Variants in CDK17 observed in about 807,000 individuals in gnomAD.
The protein encoded by CDK17 is cyclin dependent kinase 17, also known as cyclin-dependent kinase 17.
Under a neutral mutation model 77.6 loss-of-function variants are expected in CDK17, and 24 were observed. The ratio of observed to expected loss-of-function variants is 0.31; its 90% confidence interval spans 0.22 to 0.44. The LOEUF is 0.44. Among genes scored for constraint, CDK17 ranks in the 20% least tolerant of loss-of-function variants. CDK17 has a pLI of 1.00. For synonymous variants in CDK17, 203 were observed against 210.4 expected (o/e 0.96, Z 0.30); for missense variants, 429 against 622.5 (o/e 0.69, Z 3.31).
In CDK17 at chr12:96,372,770, C is replaced by A. The variant is rs139284800; in HGVS notation, c.-30+27216G>T. Among the ~76,000 whole-genome samples the A allele has an allele frequency of 5.3e-5, 8 of 151,946 alleles. No homozygotes were observed. In the East Asian group the frequency reaches 1.5e-3, roughly 29 times the overall value. Reference sequence around the variant, plus strand: ...AATAGAAAAAATAAAGAAATTAACACAAAGTGAAGAAAAAGAGGGTAAAAT... The same window carrying A: ...AATAGAAAAAATAAAGAAATTAACAAAAAGTGAAGAAAAAGAGGGTAAAAT... On this transcript the variant is annotated intron_variant, in intron 1 of 16. Coordinates refer to ENST00000261211, the MANE Select transcript of CDK17 (RefSeq NM_002595.5).
chr12:96,309,244 G>A (rs1450504654), intron 5 of CDK17, among the ~76,000 whole-genome samples: 1 of 152,160 alleles, frequency 6.6e-6, no homozygotes, highest in Non-Finnish European at 1.5e-5. Flanking sequence ...TTTAGTTTTA[G>A]TACATGAAGT....
At chr12:96,359,432 T>C (rs1283526588) in intron 1 of CDK17, among the ~76,000 whole-genome samples, 2 of 152,194 alleles carry the variant, frequency 1.3e-5, no homozygotes, top group Non-Finnish European at 2.9e-5. Flanking sequence ...TCTTCAAGGA[T>C]CTAGGCTGAA....
At chr12:96,352,112 C>A (rs1380116644) in intron 1 of CDK17, among the ~76,000 whole-genome samples, 6 of 152,110 alleles carry the variant, frequency 3.9e-5, no homozygotes, top group African/African-American at 1.4e-4. Flanking sequence ...ACAGACTTTT[C>A]AAGGGGAACA....
intron 1 of CDK17, among the ~76,000 whole-genome samples, chr12:96,395,961 G>A (rs1306690665): frequency 2.0e-5 from 3 of 152,154 alleles, no homozygotes; most frequent in Admixed American, 6.5e-5. Context: ...TCAATGTATG[G>A]TATTTTGTTA....
intron 3 of CDK17, among the ~76,000 whole-genome samples, chr12:96,317,116 G>C (rs1158362922): frequency 4.9e-5 from 7 of 144,290 alleles, no homozygotes; most frequent in African/African-American, 1.8e-4. Flanking sequence ...GCTTAAAGGA[G>C]CTGATGGAGC....
chr12:96,303,331 G>GA (rs1565810812), intron 5 of CDK17: 1 of 152,090 alleles, frequency 6.6e-6, no homozygotes, highest in Non-Finnish European at 1.5e-5. Context: ...AATAGCTAAA[G>GA]AAATAGCACA....
chr12:96,343,162 C>T (rs1953147307), intron 1 of CDK17, among the ~76,000 whole-genome samples: 1 of 152,162 alleles, frequency 6.6e-6, no homozygotes, highest in Non-Finnish European at 1.5e-5. Flanking sequence ...TGCTCTAGAG[C>T]TTGGTTCTTG....
In CDK17 at chr12:96,400,252, G is replaced by A. The variant is rs1399507764; in HGVS notation, c.-296C>T. On this transcript the variant is annotated 5_prime_UTR_variant, in exon 1 of 17. Transcript: ENST00000261211. Reference sequence around the variant, plus strand: ...CCCGCGCCGACGAGCCGCGCGGACGGCCCACTAATCCCCTCGGAGCAGCCG... The same window carrying A: ...CCCGCGCCGACGAGCCGCGCGGACGACCCACTAATCCCCTCGGAGCAGCCG... The A allele has an allele frequency of 5.1e-6, 2 of 393,612 alleles. No homozygotes were observed. Among genetic ancestry groups the A allele is most frequent in the African/African-American group, 4.1e-5 (2 of 48,350 alleles). 24.4% of individuals were successfully genotyped at this position (393,612 alleles called of 1,614,324 possible).
At chr12:96,283,721 A>G in intron 13 of CDK17, 76 bp from the exon 14 acceptor site, 1 of 967,336 alleles carries the variant, frequency 1.0e-6, no homozygotes, top group South Asian at 1.4e-5. Flanking sequence ...CTATTTTCTA[A>G]GTGTTTTAAT....
chr12:96,291,329 T>C (rs896383086), intron 10 of CDK17, among the ~76,000 whole-genome samples: 1 of 152,134 alleles, frequency 6.6e-6, no homozygotes, highest in Non-Finnish European at 1.5e-5. Flanking sequence ...TCTTGTTCTG[T>C]CAACCAGGCT....
At chr12:96,298,071 G>A (rs1268427572) in intron 7 of CDK17, among the ~76,000 whole-genome samples, 3 of 152,032 alleles carry the variant, frequency 2.0e-5, no homozygotes, top group Non-Finnish European at 2.9e-5. Flanking sequence ...CGGGCGGATC[G>A]TGAGGTCAGG....
rs1441713532 is a variant in CDK17 at position 96,278,535 on chromosome 12, T to C, written c.*1707A>G. On this transcript the variant is annotated 3_prime_UTR_variant, in exon 17 of 17. Coordinates refer to ENST00000261211, the MANE Select transcript of CDK17 (RefSeq NM_002595.5). ...AGCCTTCATCCCCAAGAAAGAACTG[T>C]GACTCAATAAAACCACATTTTAACA... 1 of 152,544 alleles carries C rather than the reference T, an allele frequency of 6.6e-6. No individual in the cohort carries two copies. The highest frequency in any genetic ancestry group is 1.5e-5 in the Non-Finnish European group (1 of 67,988). The allele number at this position is 152,544 out of a possible 1,614,324, so 9.4% of individuals were successfully genotyped here.
chr12:96,369,011 C>T (rs1953645710), intron 1 of CDK17, among the ~76,000 whole-genome samples: 1 of 152,084 alleles, frequency 6.6e-6, no homozygotes, highest in Non-Finnish European at 1.5e-5. Flanking sequence ...TGAAAAAGGG[C>T]TTCAGTCCCA....
At chr12:96,395,263 C>G (rs1954150077) in intron 1 of CDK17, among the ~76,000 whole-genome samples, 1 of 152,218 alleles carries the variant, frequency 6.6e-6, no homozygotes, top group African/African-American at 2.4e-5. Context: ...ATACTGCAAT[C>G]TTTTAATGTA....
At chr12:96,316,035 T>C (rs1952710447) in intron 3 of CDK17, among the ~76,000 whole-genome samples, 1 of 152,140 alleles carries the variant, frequency 6.6e-6, no homozygotes, top group Non-Finnish European at 1.5e-5. Context: ...TGCATTTCCA[T>C]CTGAGGTACC....
intron 5 of CDK17, among the ~76,000 whole-genome samples, chr12:96,305,251 C>G (rs1183807851): frequency 6.6e-6 from 1 of 152,180 alleles, no homozygotes; most frequent in Non-Finnish European, 1.5e-5. Context: ...GACATATGAT[C>G]ACTAAATGTA....
In CDK17 at chr12:96,400,248, G is replaced by A. The variant is rs891476484; in HGVS notation, c.-292C>T. On this transcript the variant is annotated 5_prime_UTR_variant, in exon 1 of 17. Coordinates refer to ENST00000261211, the MANE Select transcript of CDK17 (RefSeq NM_002595.5). ...GGCTCCCGCGCCGACGAGCCGCGCG[G>A]ACGGCCCACTAATCCCCTCGGAGCA... 2.5e-6 allele frequency: 1 copy of A among 393,766 alleles called. No homozygotes were observed. The highest frequency in any genetic ancestry group is 2.1e-5 in the African/African-American group (1 of 48,366). The allele number at this position is 393,766 out of a possible 1,614,324, so 24.4% of individuals were successfully genotyped here.
chr12:96,385,559 T>C (rs560337304), intron 1 of CDK17, among the ~76,000 whole-genome samples: 2 of 152,032 alleles, frequency 1.3e-5, no homozygotes, highest in African/African-American at 4.8e-5. Flanking sequence ...TGAGAAGTAA[T>C]AATTATCAAA....
rs140775233 is a variant in CDK17 at position 96,382,003 on chromosome 12, T to C, written c.-30+17983A>G. Among the ~76,000 whole-genome samples, 313 of 152,118 alleles carry C rather than the reference T, an allele frequency of 2.1e-3. 1 individual carries two copies. The highest frequency in any genetic ancestry group is 7.0e-3 in the African/African-American group (291 of 41,496). On this transcript the variant is annotated intron_variant, in intron 1 of 16. Transcript: ENST00000261211. The stretch of plus-strand genomic sequence containing the variant: ...AGATAATTATATCACTAAAAACAGA[T>C]GTGGCACATTATTCGTGGTACTGGT...
Sources: allele counts gnomAD v4.1 joint callset (sites outside exome capture counted in the v4.1 genomes callset), GRCh38; gene constraint gnomAD v4.1.1; transcripts MANE v1.5; gene names NCBI Gene and HGNC (gene_info 2026-07-23, HGNC 2026-07-21).